Variants in CHRNG observed in about 807,000 individuals in gnomAD.
The protein encoded by CHRNG is cholinergic receptor nicotinic gamma subunit.
In CHRNG, 72 loss-of-function variants were observed where a neutral mutation model predicts 65.2. The ratio of observed to expected loss-of-function variants is 1.10; its 90% CI spans 0.91 to 1.34. The LOEUF (loss-of-function observed/expected upper bound fraction) is 1.34, where lower values mean the gene tolerates loss of function less well. CHRNG is among the 40% of genes most tolerant of loss of function. The pLI is 0.00. For missense variants in CHRNG, 637 were observed against 680.1 expected (o/e 0.94, Z 0.70); for synonymous variants, 284 against 290.2 (o/e 0.98, Z 0.22).
At chr2:232,542,624 AAAATG>A (rs1692041010) in intron 6 of CHRNG, 104 bp downstream of exon 6, 1 of 823,548 alleles carries the variant, frequency 1.2e-6, no homozygotes, top group African/African-American at 1.7e-5. Context: ...CATGTAACTC[AAAATG>A]AAAACTACAG....
chr2:232,545,237 G>C (rs1291730815), intron 11 of CHRNG, among the ~76,000 whole-genome samples: 1 of 151,934 alleles, frequency 6.6e-6, no homozygotes, highest in Non-Finnish European at 1.5e-5. Flanking sequence ...AACCTGGGAG[G>C]CGGAGGTTGC....
Position 232,547,904 on chromosome 2 carries a change from C to T in CHRNG, c.*2188C>T, listed in dbSNP as rs567212547. On this transcript the variant is annotated 3_prime_UTR_variant, in exon 12 of 12. Coordinates refer to ENST00000651502, the MANE Select transcript of CHRNG (RefSeq NM_005199.5). ...CATACAGCAACCTAAGGAGGTAGGTCGAGGCATACCTCAAAGACATTGCAG... is the reference window on the plus strand; with the variant it reads ...CATACAGCAACCTAAGGAGGTAGGTTGAGGCATACCTCAAAGACATTGCAG... The T allele has an allele frequency of 3.6e-5, 15 of 419,834 alleles. No homozygotes were observed. The highest frequency in any genetic ancestry group is 1.7e-4 in the Admixed American group (4 of 23,016). The allele number at this position is 419,834 out of a possible 1,614,324, so 26.0% of individuals were successfully genotyped here. A position where few individuals can be genotyped will look rare whatever the true frequency, so the allele number is the denominator to read the frequency against.
intron 11 of CHRNG, 53 bp downstream of exon 11, chr2:232,544,955 C>T (rs1692097372): frequency 4.3e-6 from 7 of 1,610,638 alleles, no homozygotes; most frequent in Admixed American, 1.7e-5. Flanking sequence ...GGCTTGGAAC[C>T]GTGATAGAGA....
Position 232,543,480 on chromosome 2 carries a change from A to ACCCCC in CHRNG, c.920+95_921-97dup, listed in dbSNP as rs34697564. ...TGCATTGCCCTCTTGCCCTCCATCC[A>ACCCCC]CCCCCCCCATCCTCAATTCAGGAGG... On this transcript the variant is annotated intron_variant, in intron 8 of 11. Coordinates refer to ENST00000651502, the MANE Select transcript of CHRNG (RefSeq NM_005199.5). 111 of 1,110,890 alleles carry ACCCCC rather than the reference A, an allele frequency of 1.0e-4. No homozygotes were observed. In the East Asian group the frequency reaches 1.6e-3, roughly 16 times the overall value. 68.8% of individuals were successfully genotyped at this position (1,110,890 alleles called of 1,614,324 possible). A position where few individuals can be genotyped will look rare whatever the true frequency, so the allele number is the denominator to read the frequency against.
In CHRNG at chr2:232,540,787, G is replaced by C; in HGVS notation, c.350+76G>C. On this transcript the variant is annotated intron_variant, in intron 4 of 11. Coordinates refer to ENST00000651502, the MANE Select transcript of CHRNG (RefSeq NM_005199.5). The surrounding 1 kb of genome is among the most constrained non-coding windows in gnomAD (Gnocchi z 4.2). ...GGGCCCAGCAGAACAAGGCACTCTG[G>C]GAAAAGAGAAAGATGAGCAGAGGGT... 1 of 1,328,942 alleles carries C rather than the reference G, an allele frequency of 7.5e-7. No individual in the cohort carries two copies. The highest frequency in any genetic ancestry group is 2.4e-5 in the East Asian group (1 of 40,838). 82.3% of individuals were successfully genotyped at this position (1,328,942 alleles called of 1,614,324 possible).
At chr2:232,544,703 G>C (rs1692091511) in intron 10 of CHRNG, 69 bp from the exon 11 acceptor site, 1 of 1,597,134 alleles carries the variant, frequency 6.3e-7, no homozygotes, top group African/African-American at 1.3e-5. Flanking sequence ...GGGTCCCTAA[G>C]GAGAGGCCAT....
chr2:232,541,320 G>A lies in CHRNG; in HGVS notation c.351-54G>A, dbSNP rs1692010353. ...GGCACAGGGGCTGGTCTGGGGCTGGGGTGTCGGGGGCTGAGCCCACAGCCT... is the reference window on the plus strand; with the variant it reads ...GGCACAGGGGCTGGTCTGGGGCTGGAGTGTCGGGGGCTGAGCCCACAGCCT... On this transcript the variant is annotated intron_variant, in intron 4 of 11. Transcript: ENST00000651502. The surrounding 1 kb of genome is among the most constrained non-coding windows in gnomAD (Gnocchi z 4.0). 2 of 1,611,306 alleles carry A rather than the reference G, an allele frequency of 1.2e-6. No individual in the cohort carries two copies. Among genetic ancestry groups the A allele is most frequent in the South Asian group, 2.2e-5 (2 of 91,032 alleles).
rs1163206251 is a variant in CHRNG, at chr2:232,540,696, T to C, written c.335T>C (p.Ile112Thr). ...VPSTMVWRPD[I>T]VLENNVDGVF... is the part of the protein sequence containing the mutation. Reference sequence around the variant, plus strand: ...TCCACCATGGTGTGGCGGCCGGATATCGTGCTGGAGAACAAGTGAGGAGGG... The same window carrying C: ...TCCACCATGGTGTGGCGGCCGGATACCGTGCTGGAGAACAAGTGAGGAGGG... The change falls in exon 4 of 12, where the codon ATC becomes ACC. Residue 112 changes from isoleucine (I) to threonine (T), a missense_variant. By Grantham distance (89) the Ile-to-Thr change is moderately conservative (BLOSUM62 -1). Transcript: ENST00000651502. The surrounding 1 kb of genome is among the most constrained non-coding windows in gnomAD (Gnocchi z 4.2). 1 of 1,611,592 alleles carries C rather than the reference T, an allele frequency of 6.2e-7. No individual in the cohort carries two copies. Among genetic ancestry groups the C allele is most frequent in the Non-Finnish European group, 8.5e-7 (1 of 1,179,736 alleles).
Position 232,541,188 on chromosome 2 carries a change from G to T in CHRNG, c.351-186G>T, listed in dbSNP as rs545907788. Among the ~76,000 whole-genome samples the T allele has an allele frequency of 6.6e-6, 1 of 151,688 alleles. No individual in the cohort carries two copies. Among genetic ancestry groups the T allele is most frequent in the African/African-American group, 2.4e-5 (1 of 41,232 alleles). ...GTGCCTGAGGAAGTCTGTCTGGGGC[G>T]GGGGGTGGCAGGAGGATTGCTGGGG... On this transcript the variant is annotated intron_variant, in intron 4 of 11. Transcript: ENST00000651502. This position sits in a 1 kb window ranked among gnomAD's most constrained non-coding sequence, Gnocchi z 4.0.
At position 232,541,010 on chromosome 2, in the gene CHRNG, C is replaced by T. The variant is rs1692003746; in HGVS notation, c.350+299C>T. Among the ~76,000 whole-genome samples the T allele has an allele frequency of 6.6e-6, 1 of 151,918 alleles. No homozygotes were observed. Among genetic ancestry groups the T allele is most frequent in the Non-Finnish European group, 1.5e-5 (1 of 67,970 alleles). ...CGCTGACGGGTCCTATAGAAGCTGG[C>T]GAGAGTCAACAAGACAGGCATGAAA... On this transcript the variant is annotated intron_variant, in intron 4 of 11. Transcript: ENST00000651502. The surrounding 1 kb of genome is among the most constrained non-coding windows in gnomAD (Gnocchi z 4.0).
chr2:232,542,883 G>A lies in CHRNG; in HGVS notation c.606G>A (p.Glu202=). The change falls in exon 7 of 12, where the codon GAG becomes GAA. Residue 202 remains glutamate, a splice_region_variant and synonymous_variant. Coordinates refer to ENST00000651502, the MANE Select transcript of CHRNG (RefSeq NM_005199.5). Reference sequence around the variant, plus strand: ...TCCTGCCTGCCTGCCTGCCCGCAGAGAATGGGGAGTGGGCCATCCAGCACC... The same window carrying A: ...TCCTGCCTGCCTGCCTGCCCGCAGAAAATGGGGAGTGGGCCATCCAGCACC... ...WIFIDPEAFT[E]NGEWAIQHRP... 1.2e-6 allele frequency: 2 copies of A among 1,611,714 alleles called. No homozygotes were observed. The highest frequency in any genetic ancestry group is 1.4e-5 in the African/African-American group (1 of 73,806).
In CHRNG at chr2:232,545,885, G is replaced by A; in HGVS notation, c.*169G>A. ...AGCTGGGGAAACAGTCTGAGCTGGAGTCCGAGAGTGGTTGGGGGTGGGCCG... is the reference window on the plus strand; with the variant it reads ...AGCTGGGGAAACAGTCTGAGCTGGAATCCGAGAGTGGTTGGGGGTGGGCCG... On this transcript the variant is annotated 3_prime_UTR_variant, in exon 12 of 12. Transcript: ENST00000651502. 1 of 796,042 alleles carries A rather than the reference G, an allele frequency of 1.3e-6. No individual in the cohort carries two copies. Among genetic ancestry groups the A allele is most frequent in the Non-Finnish European group, 2.1e-6 (1 of 477,532 alleles). The allele number at this position is 796,042 out of a possible 1,614,324, so 49.3% of individuals were successfully genotyped here. A position where few individuals can be genotyped will look rare whatever the true frequency, so the allele number is the denominator to read the frequency against.
Position 232,544,920 on chromosome 2 carries a change from G to C in CHRNG, c.1380+18G>C, listed in dbSNP as rs770089601. 6.2e-5 allele frequency: 100 copies of C among 1,613,662 alleles called. No individual in the cohort carries two copies. Among genetic ancestry groups the C allele is most frequent in the Non-Finnish European group, 7.9e-5 (93 of 1,179,936 alleles). ...TTGACAATGTAAGCTGAGTCAGGGT[G>C]GGGTGGAGGTGGAGTGAGTACCTGG... On this transcript the variant is annotated intron_variant, in intron 11 of 11. Transcript: ENST00000651502.
chr2:232,544,586 A>G lies in CHRNG; in HGVS notation c.1249+6A>G. ...GGCAGCGCTGGAGAAGCTAGGTGAGACACACCAGGTGTGCCTGGGGACAGT... is the reference window on the plus strand; with the variant it reads ...GGCAGCGCTGGAGAAGCTAGGTGAGGCACACCAGGTGTGCCTGGGGACAGT... On this transcript the variant is annotated splice_donor_region_variant and intron_variant, in intron 10 of 11. Transcript: ENST00000651502. 6.2e-7 allele frequency: 1 copy of G among 1,609,176 alleles called. No individual in the cohort carries two copies. The highest frequency in any genetic ancestry group is 8.5e-7 in the Non-Finnish European group (1 of 1,176,424).
At chr2:232,544,732 C>T (rs942574486) in intron 10 of CHRNG, 40 bp from the exon 11 acceptor site, 4 of 1,613,092 alleles carry the variant, frequency 2.5e-6, no homozygotes, top group Non-Finnish European at 3.4e-6. Flanking sequence ...CCTGTTTCTC[C>T]TCCATTCTAC....
chr2:232,545,082 A>G (rs575585087), intron 11 of CHRNG, among the ~76,000 whole-genome samples, 180 bp downstream of exon 11: 1 of 152,196 alleles, frequency 6.6e-6, no homozygotes, highest in Non-Finnish European at 1.5e-5. Flanking sequence ...GGATCACCTG[A>G]GGTCAGGAGT....
chr2:232,544,645 C>T lies in CHRNG; in HGVS notation c.1249+65C>T, dbSNP rs1440922884. The stretch of plus-strand genomic sequence containing the variant: ...GGGACCCCAGCTGGGGAGCCAGGCA[C>T]AGCAGATGAGTGCTGGAGAAGTGCC... On this transcript the variant is annotated intron_variant, in intron 10 of 11. Coordinates refer to ENST00000651502, the MANE Select transcript of CHRNG (RefSeq NM_005199.5). 2.6e-6 allele frequency: 4 copies of T among 1,567,730 alleles called. No individual in the cohort carries two copies. The Admixed American group carries it at 6.7e-5, about 26-fold the overall frequency.
chr2:232,547,237 G>A lies in CHRNG; in HGVS notation c.*1521G>A, dbSNP rs1277451488. Among the ~76,000 whole-genome samples, 2 of 152,014 alleles carry A rather than the reference G, an allele frequency of 1.3e-5. No homozygotes were observed. Among genetic ancestry groups the A allele is most frequent in the African/African-American group, 2.4e-5 (1 of 41,378 alleles). ...CAGGAACCCAGCCTGGGCAACATGG[G>A]GACACCCGGCCTCTACCAAAAAATA... On this transcript the variant is annotated 3_prime_UTR_variant, in exon 12 of 12. Transcript: ENST00000651502.
At chr2:232,543,810 G>A (rs1692069609) in intron 9 of CHRNG, 111 bp downstream of exon 9, 1 of 738,106 alleles carries the variant, frequency 1.4e-6, no homozygotes, top group African/African-American at 1.7e-5. Context: ...ACCCATCCTG[G>A]GCGTATCTGG....
Sources: allele counts gnomAD v4.1 joint callset (sites outside exome capture counted in the v4.1 genomes callset), GRCh38; gene constraint gnomAD v4.1.1; non-coding constraint Gnocchi (gnomAD v3.1); transcripts MANE v1.5; gene names NCBI Gene and HGNC (gene_info 2026-07-23, HGNC 2026-07-21).